Variants in DBX2 observed in about 807,000 individuals in gnomAD.
DBX2 encodes developing brain homeobox 2.
In DBX2, 16 loss-of-function variants were observed where a neutral mutation model predicts 17.7. That is an observed-to-expected ratio of 0.90 (90% CI 0.61 to 1.37). DBX2 has a LOEUF of 1.37. DBX2 is among the 40% of genes most tolerant of loss of function. The pLI is 0.00. For missense variants in DBX2, 538 were observed against 433.8 expected (o/e 1.24, Z -2.13); for synonymous variants, 255 against 183.8 (o/e 1.39, Z -3.13).
chr12:45,037,194 C>A (rs921541287), intron 1 of DBX2, among the ~76,000 whole-genome samples: 2 of 152,150 alleles, frequency 1.3e-5, no homozygotes, highest in African/African-American at 4.8e-5. Flanking sequence ...TAATAACTCT[C>A]CATTATTGAG....
Position 45,050,579 on chromosome 12 carries a change from G to A in DBX2, c.349C>T (p.Leu117=), listed in dbSNP as rs1173954490. 1.3e-6 allele frequency: 2 copies of A among 1,552,094 alleles called. No homozygotes were observed. Among genetic ancestry groups the A allele is most frequent in the South Asian group, 1.2e-5 (1 of 84,152 alleles). ...VLSPSADSAR[L]PGRAPGDRDC... ...CGGTCCCCCGGAGCCCGGCCCGGCA[G>A]CCTCGCACTGTCCGCAGAGGGACTG... The change falls in exon 1 of 4, where the codon CTG becomes TTG. Residue 117 remains leucine (L), a synonymous_variant. Transcript: ENST00000332700.
chr12:45,020,675 G>GTATA (rs10649840), intron 3 of DBX2, among the ~76,000 whole-genome samples: 63,187 of 145,692 alleles, frequency 0.43, 13,932 homozygotes, highest in South Asian at 0.65. Flanking sequence ...GTATATATAT[G>GTATA]TATATATATA....
intron 2 of DBX2, among the ~76,000 whole-genome samples, chr12:45,035,254 T>C (rs978280613): frequency 3.9e-5 from 6 of 152,228 alleles, no homozygotes; most frequent in African/African-American, 1.4e-4. Flanking sequence ...GAGTAAGTGT[T>C]TTCTCTTGGG....
chr12:45,029,183 CAG>C (rs1946396195), intron 2 of DBX2, among the ~76,000 whole-genome samples: 1 of 152,018 alleles, frequency 6.6e-6, no homozygotes, highest in Non-Finnish European at 1.5e-5. Context: ...TAAAAAGAAA[CAG>C]ATATGGAGAA....
At chr12:45,043,844 A>G (rs140255285) in intron 1 of DBX2, among the ~76,000 whole-genome samples, 7 of 152,302 alleles carry the variant, frequency 4.6e-5, no homozygotes, top group Non-Finnish European at 1.0e-4. Context: ...CTTTTCCTGT[A>G]TCTTACCAGT....
chr12:45,023,253 A>C (rs1946362916), intron 3 of DBX2, among the ~76,000 whole-genome samples: 1 of 152,250 alleles, frequency 6.6e-6, no homozygotes, highest in African/African-American at 2.4e-5. Context: ...GGAAGTATTC[A>C]TGAGTCACTC....
At position 45,049,991 on chromosome 12, in the gene DBX2, G is replaced by T. The variant is rs138130682; in HGVS notation, c.403+534C>A. 4.7e-3 allele frequency among the ~76,000 whole-genome samples: 717 copies of T among 152,258 alleles called. 4 individuals are homozygous for T. Among genetic ancestry groups the T allele is most frequent in the African/African-American group, 0.016 (661 of 41,540 alleles). On this transcript the variant is annotated intron_variant, in intron 1 of 3. Transcript: ENST00000332700. ...CAAAATTTAAGAGTGGAGAAAGCCA[G>T]AACTTTGCGCAACTCTCCTTCCAAA... is the stretch of plus-strand genomic sequence containing the variant.
intron 1 of DBX2, among the ~76,000 whole-genome samples, chr12:45,049,939 C>T (rs1251485622): frequency 6.6e-6 from 1 of 152,128 alleles, no homozygotes; most frequent in East Asian, 1.9e-4. Flanking sequence ...AAAAGTCGGC[C>T]TTCATTTCTT....
intron 1 of DBX2, among the ~76,000 whole-genome samples, chr12:45,044,975 G>T (rs1946492075): frequency 2.6e-5 from 4 of 151,902 alleles, no homozygotes; most frequent in African/African-American, 9.7e-5. Flanking sequence ...AAAACATTTT[G>T]GAATAAAATA....
At position 45,035,789 on chromosome 12, in the gene DBX2, C is replaced by T. The variant is rs142607389; in HGVS notation, c.499+230G>A. 3.3e-3 allele frequency among the ~76,000 whole-genome samples: 499 copies of T among 152,194 alleles called. 2 individuals are homozygous for T. The highest frequency in any genetic ancestry group is 0.011 in the African/African-American group (449 of 41,522). ...TATCAAATGGAAAACAAGTTGCTTTCGGTGATGTGTCGGCCCTGGGTTTCA... is the reference window on the plus strand; with the variant it reads ...TATCAAATGGAAAACAAGTTGCTTTTGGTGATGTGTCGGCCCTGGGTTTCA... On this transcript the variant is annotated intron_variant, in intron 2 of 3. Transcript: ENST00000332700.
At chr12:45,033,526 C>T (rs573489062) in intron 2 of DBX2, among the ~76,000 whole-genome samples, 5 of 151,960 alleles carry the variant, frequency 3.3e-5, no homozygotes, top group Admixed American at 2.0e-4. Flanking sequence ...CAGATGTAAA[C>T]CTTATTAACT....
chr12:45,036,194 G>T, intron 1 of DBX2, 80 bp from the exon 2 acceptor site: 1 of 1,214,238 alleles, frequency 8.2e-7, no homozygotes, highest in African/African-American at 1.5e-5. Context: ...AAAAGTCATT[G>T]AGTAAATACT....
Position 45,038,322 on chromosome 12 carries a change from A to G in DBX2, c.404-2208T>C, listed in dbSNP as rs542949097. Among the ~76,000 whole-genome samples, 763 of 125,930 alleles carry G rather than the reference A, an allele frequency of 6.1e-3. 7 individuals are homozygous for G. Among genetic ancestry groups the G allele is most frequent in the African/African-American group, 0.018 (715 of 39,716 alleles). The allele number at this position is 125,930 out of a possible 152,430, so 82.6% of individuals were successfully genotyped here. On this transcript the variant is annotated intron_variant, in intron 1 of 3. Transcript: ENST00000332700. ...TGTTATTGTTGTTGTCTTTTGAGGT[A>G]AAAGAAAAAAAAAGACTCAGCAATG...
rs745546411 is a variant in DBX2, at chr12:45,022,298, G to GTTTTTTT, written c.687+1402_687+1408dup. Among the ~76,000 whole-genome samples, 160 of 82,504 alleles carry GTTTTTTT rather than the reference G, an allele frequency of 1.9e-3. 13 individuals carry two copies. Among genetic ancestry groups the GTTTTTTT allele is most frequent in the African/African-American group, 5.3e-3 (105 of 19,898 alleles). The allele number at this position is 82,504 out of a possible 152,430, so 54.1% of individuals were successfully genotyped here. ...AGGAGAGTTTAGTCCAATAATAACT[G>GTTTTTTT]TTTTTTTTTTTTTTTTTTTTTTTGA... On this transcript the variant is annotated intron_variant, in intron 3 of 3. Transcript: ENST00000332700.
rs974781145 is a variant in DBX2, at chr12:45,042,622, T to C, written c.404-6508A>G. ...AAACTAGGTAATTTCATTTAATCTG[T>C]AGTCAAATTGGATAATTTAGGTTTT... is the stretch of plus-strand genomic sequence containing the variant. On this transcript the variant is annotated intron_variant, in intron 1 of 3. Transcript: ENST00000332700. Among the ~76,000 whole-genome samples, 4 of 152,344 alleles carry C rather than the reference T, an allele frequency of 2.6e-5. No homozygotes were observed. The South Asian group carries it at 6.2e-4, about 24-fold the overall frequency.
At chr12:45,050,306 G>A (rs1481595674) in intron 1 of DBX2, among the ~76,000 whole-genome samples, 1 of 152,234 alleles carries the variant, frequency 6.6e-6, no homozygotes, top group African/African-American at 2.4e-5. Flanking sequence ...CTGGTGGAAT[G>A]GGATGGGATG....
intron 3 of DBX2, among the ~76,000 whole-genome samples, chr12:45,019,205 A>G (rs990631994): frequency 3.3e-5 from 5 of 152,082 alleles, no homozygotes; most frequent in Admixed American, 3.3e-4. Flanking sequence ...CTTTTGCAAC[A>G]TCTGAAACAG....
chr12:45,043,890 G>A (rs941078070), intron 1 of DBX2, among the ~76,000 whole-genome samples: 1 of 151,898 alleles, frequency 6.6e-6, no homozygotes, highest in African/African-American at 2.4e-5. Flanking sequence ...GTCAAATGCT[G>A]ACTCTACCAC....
rs1946325422 is a variant in DBX2, at chr12:45,016,638, A to G, written c.688-20T>C. The G allele has an allele frequency of 6.6e-7, 1 of 1,512,860 alleles. No individual in the cohort carries two copies. The allele number at this position is 1,512,860 out of a possible 1,614,324, so 93.7% of individuals were successfully genotyped here. A position where few individuals can be genotyped will look rare whatever the true frequency, so the allele number is the denominator to read the frequency against. On this transcript the variant is annotated intron_variant, in intron 3 of 3. Transcript: ENST00000332700. Reference sequence around the variant, plus strand: ...TTTCACCTATTGACAAAATAATTGCACAAAATGATCACTTATTCCAGGTTA... The same window carrying G: ...TTTCACCTATTGACAAAATAATTGCGCAAAATGATCACTTATTCCAGGTTA...
Sources: allele counts gnomAD v4.1 joint callset (sites outside exome capture counted in the v4.1 genomes callset), GRCh38; gene constraint gnomAD v4.1.1; transcripts MANE v1.5; gene names NCBI Gene and HGNC (gene_info 2026-07-23, HGNC 2026-07-21).